IL18: variants seen among roughly 807,000 people sequenced by gnomAD.
The protein encoded by IL18 is interleukin-18.
A neutral mutation model predicts 14.2 loss-of-function variants in IL18; 8 were observed. The ratio of observed to expected loss-of-function variants is 0.56; its 90% CI spans 0.33 to 1.01. The LOEUF is 1.01. Ranked by LOEUF, IL18 falls within the 50% of genes least tolerant of loss-of-function variation. The pLI is 0.03. For missense variants in IL18, 166 were observed against 231.1 expected, an observed-to-expected ratio of 0.72 and a Z score of 1.83; for synonymous variants, 67 against 71.0, an observed-to-expected ratio of 0.94 and a Z score of 0.28.
intron 5 of IL18, among the ~76,000 whole-genome samples, chr11:112,148,089 T>G (rs1358801398): frequency 6.6e-6 from 1 of 152,204 alleles, no homozygotes; most frequent in Non-Finnish European, 1.5e-5. Flanking sequence ...ACATTAAAAA[T>G]AACATACATC....
Position 112,148,713 on chromosome 11 carries a change from T to C in IL18, c.250A>G (p.Ile84Val). Residue 84 changes from isoleucine to valine, a missense_variant, in exon 5 of 6, where the codon ATT becomes GTT. Ile to Val is a conservative substitution (Grantham distance 29, BLOSUM62 3). Transcript: ENST00000280357. ...CRDNAPRTIF[I>V]ISMYKDSQPR... ...TGGCTATCTTTATACATACTTATAA[T>C]AAATATGGTCCGGGGTGCATTATCT... 5.4e-6 allele frequency: 8 copies of C among 1,481,540 alleles called. No individual in the cohort carries two copies. The highest frequency in any genetic ancestry group is 1.3e-5 in the South Asian group (1 of 74,494). 91.8% of individuals were successfully genotyped at this position (1,481,540 alleles called of 1,614,324 possible).
intron 4 of IL18, among the ~76,000 whole-genome samples, chr11:112,149,759 T>A (rs1057279351): frequency 2.0e-5 from 3 of 151,710 alleles, no homozygotes; most frequent in African/African-American, 7.3e-5. Context: ...CTATCAGCAT[T>A]TTCAGCTGTA....
chr11:112,163,447 G>A (rs1434336066), intron 1 of IL18, among the ~76,000 whole-genome samples: 1 of 152,194 alleles, frequency 6.6e-6, no homozygotes, highest in Admixed American at 6.5e-5. Context: ...TCTCTCATGA[G>A]TGTACAACAG....
chr11:112,149,525 G>A (rs775954536), intron 4 of IL18, among the ~76,000 whole-genome samples: 48 of 149,850 alleles, frequency 3.2e-4, no homozygotes, highest in Non-Finnish European at 5.9e-4. Context: ...TATTTTGGAA[G>A]GCACAGTAGA....
chr11:112,153,667 T>C, intron 2 of IL18, 64 bp from the exon 3 acceptor site: 1 of 1,216,374 alleles, frequency 8.2e-7, no homozygotes, highest in Non-Finnish European at 1.2e-6. Context: ...CAGAATTCAA[T>C]CTCATTCTAG....
chr11:112,152,765 G>A (rs536016439), intron 3 of IL18, among the ~76,000 whole-genome samples: 54 of 152,208 alleles, frequency 3.5e-4, no homozygotes, highest in Non-Finnish European at 7.2e-4. Flanking sequence ...GAAAGTTGGG[G>A]GTCCCAATAT....
intron 5 of IL18, among the ~76,000 whole-genome samples, chr11:112,145,423 A>G (rs1194402937): frequency 6.6e-6 from 1 of 152,240 alleles, no homozygotes; most frequent in Admixed American, 6.5e-5. Context: ...GTAACATTAC[A>G]GGGGAAGATG....
At chr11:112,147,400 T>G (rs1866361886) in intron 5 of IL18, among the ~76,000 whole-genome samples, 1 of 152,256 alleles carries the variant, frequency 6.6e-6, no homozygotes, top group African/African-American at 2.4e-5. Flanking sequence ...TCCCAGTTTC[T>G]GAATCTGCCT....
At chr11:112,157,730 C>T (rs147140076) in intron 1 of IL18, among the ~76,000 whole-genome samples, 69 of 152,086 alleles carry the variant, frequency 4.5e-4, no homozygotes, top group African/African-American at 1.5e-3. Flanking sequence ...GGCTAGGCAG[C>T]GGGGAGACCG....
intron 5 of IL18, among the ~76,000 whole-genome samples, chr11:112,145,669 G>A (rs1428154701): frequency 2.0e-5 from 3 of 151,978 alleles, no homozygotes; most frequent in Non-Finnish European, 4.4e-5. Flanking sequence ...AACCCGGGAG[G>A]CAGAGCTTGC....
In IL18 at chr11:112,148,736, T is replaced by G. The variant is rs1866383862; in HGVS notation, c.227A>C (p.Asp76Ala). ...FEDMTDSDCRDNAPRTIFIIS... is the reference protein window; with the variant it reads ...FEDMTDSDCRANAPRTIFIIS... Reference sequence around the variant, plus strand: ...AATAAATATGGTCCGGGGTGCATTATCTGAAATAAATATAATAAATGAGAA... The same window carrying G: ...AATAAATATGGTCCGGGGTGCATTAGCTGAAATAAATATAATAAATGAGAA... The change falls in exon 5 of 6, where the codon GAT becomes GCT. Residue 76 changes from aspartate to alanine, a missense_variant and splice_region_variant. Asp to Ala is a moderately radical substitution (Grantham distance 126). Transcript: ENST00000280357. 7.0e-7 allele frequency: 1 copy of G among 1,431,738 alleles called. No homozygotes were observed. The highest frequency in any genetic ancestry group is 2.7e-5 in the East Asian group (1 of 37,226). The allele number at this position is 1,431,738 out of a possible 1,614,324, so 88.7% of individuals were successfully genotyped here.
chr11:112,160,367 G>T (rs1233720097), intron 1 of IL18, among the ~76,000 whole-genome samples: 9 of 144,672 alleles, frequency 6.2e-5, no homozygotes, highest in African/African-American at 2.3e-4. Context: ...GTAACTCCCA[G>T]CTTTAATAGT....
At chr11:112,153,740 G>A (rs923764996) in intron 2 of IL18, 137 bp from the exon 3 acceptor site, 3 of 522,516 alleles carry the variant, frequency 5.7e-6, no homozygotes, top group Non-Finnish European at 1.0e-5. Flanking sequence ...GTCTGTCTTG[G>A]CTTTCATCAG....
intron 1 of IL18, among the ~76,000 whole-genome samples, chr11:112,160,566 T>G (rs1866613303): frequency 6.6e-6 from 1 of 152,178 alleles, no homozygotes; most frequent in Non-Finnish European, 1.5e-5. Context: ...TTTTTTCCCC[T>G]GAATTTTCAA....
At chr11:112,145,655 C>T (rs548683388) in intron 5 of IL18, among the ~76,000 whole-genome samples, 7 of 151,822 alleles carry the variant, frequency 4.6e-5, no homozygotes, top group Non-Finnish European at 8.8e-5. Context: ...AGGAGAATGG[C>T]GTGAACCCGG....
chr11:112,147,777 G>C (rs373864635), intron 5 of IL18, among the ~76,000 whole-genome samples: 9 of 152,252 alleles, frequency 5.9e-5, no homozygotes, highest in African/African-American at 2.2e-4. Flanking sequence ...GGGACTGGGT[G>C]GGCATGAAAG....
intron 1 of IL18, among the ~76,000 whole-genome samples, chr11:112,161,739 G>T (rs1365581700): frequency 6.6e-6 from 1 of 152,248 alleles, no homozygotes; most frequent in Non-Finnish European, 1.5e-5. Flanking sequence ...GGCAGAGGTT[G>T]CAGTGAGCCG....
At chr11:112,156,436 ATTTT>A in intron 1 of IL18, among the ~76,000 whole-genome samples, 1 of 146,448 alleles carries the variant, frequency 6.8e-6, no homozygotes, top group South Asian at 2.1e-4. Flanking sequence ...TTTAGATAAC[ATTTT>A]TTTTTTTTGA....
intron 1 of IL18, among the ~76,000 whole-genome samples, chr11:112,160,053 C>G (rs777269903): frequency 3.9e-5 from 6 of 152,176 alleles, no homozygotes; most frequent in Non-Finnish European, 8.8e-5. Flanking sequence ...CTGCCCCAAA[C>G]TGAAACCTGG....
Sources: allele counts gnomAD v4.1 joint callset (sites outside exome capture counted in the v4.1 genomes callset), GRCh38; gene constraint gnomAD v4.1.1; transcripts MANE v1.5; gene names NCBI Gene and HGNC (gene_info 2026-07-23, HGNC 2026-07-21).